MAN1A2: variants seen among roughly 807,000 people sequenced by gnomAD.
MAN1A2 encodes mannosyl-oligosaccharide 1,2-alpha-mannosidase IB.
Under a neutral mutation model 75.7 loss-of-function variants are expected in MAN1A2, and 26 were observed. The ratio of observed to expected loss-of-function variants is 0.34; its 90% CI spans 0.25 to 0.48. The LOEUF is 0.48. MAN1A2 is among the 20% of genes least tolerant of loss of function. MAN1A2 has a pLI of 0.99. For missense variants in MAN1A2, 562 were observed against 775.5 expected (o/e 0.72, Z 3.27); for synonymous variants, 247 against 264.6 (o/e 0.93, Z 0.65).
At chr1:117,417,957 G>A (rs1213254572) in intron 4 of MAN1A2, among the ~76,000 whole-genome samples, 1 of 151,810 alleles carries the variant, frequency 6.6e-6, no homozygotes, top group Non-Finnish European at 1.5e-5. Flanking sequence ...GAGGAGGGAG[G>A]ATTGCTTGAG....
intron 6 of MAN1A2, among the ~76,000 whole-genome samples, chr1:117,445,591 A>G (rs908702587): frequency 3.3e-5 from 5 of 151,908 alleles, no homozygotes; most frequent in African/African-American, 9.7e-5. Context: ...CAATGGCACA[A>G]TCACAGCTCA....
chr1:117,484,622 A>C (rs1650614878), intron 8 of MAN1A2, among the ~76,000 whole-genome samples: 1 of 152,008 alleles, frequency 6.6e-6, no homozygotes. Flanking sequence ...ACTGCATAGC[A>C]AAAAGAGGTG....
At chr1:117,484,924 T>C (rs953178764) in intron 8 of MAN1A2, among the ~76,000 whole-genome samples, 1 of 152,010 alleles carries the variant, frequency 6.6e-6, no homozygotes, top group African/African-American at 2.4e-5. Context: ...TCTATATGTT[T>C]TTCCACATTG....
At chr1:117,504,927 A>G (rs1404227101) in intron 12 of MAN1A2, among the ~76,000 whole-genome samples, 1 of 151,530 alleles carries the variant, frequency 6.6e-6, no homozygotes. Context: ...TTAAAGAGAC[A>G]CATAATAGTT....
At chr1:117,514,225 T>C (rs956401094) in intron 12 of MAN1A2, among the ~76,000 whole-genome samples, 11 of 151,990 alleles carry the variant, frequency 7.2e-5, no homozygotes, top group Non-Finnish European at 1.6e-4. Flanking sequence ...TAGCCGGGCA[T>C]GGTGGTGCAT....
intron 1 of MAN1A2, among the ~76,000 whole-genome samples, chr1:117,392,595 A>G (rs189045010): frequency 8.7e-4 from 133 of 152,276 alleles, no homozygotes; most frequent in Non-Finnish European, 1.6e-3. Flanking sequence ...CTTGCCTTTC[A>G]CATTTCGTAA....
rs889873447 is a variant in MAN1A2 at position 117,469,559 on chromosome 1, A to G, written c.1168+3132A>G. The stretch of plus-strand genomic sequence containing the variant: ...ATGAGAGAAAATATTTGCAAATCAC[A>G]TGTCTTTTAAGGGTCTATACACAGA... On this transcript the variant is annotated intron_variant, in intron 8 of 12. Transcript: ENST00000356554. Among the ~76,000 whole-genome samples the G allele has an allele frequency of 7.9e-5, 12 of 152,256 alleles. No individual in the cohort carries two copies. In the East Asian group the frequency reaches 2.1e-3, roughly 27 times the overall value.
At chr1:117,465,681 C>T (rs1649959309) in intron 7 of MAN1A2, among the ~76,000 whole-genome samples, 1 of 152,036 alleles carries the variant, frequency 6.6e-6, no homozygotes, top group African/African-American at 2.4e-5. Context: ...TCCAGGGGCC[C>T]CCTTAAAAGC....
At chr1:117,460,029 T>C (rs578169335) in intron 6 of MAN1A2, among the ~76,000 whole-genome samples, 288 of 151,362 alleles carry the variant, frequency 1.9e-3, no homozygotes, top group Non-Finnish European at 1.9e-3. Flanking sequence ...GCATTCCACT[T>C]GAGAATCATT....
At chr1:117,453,471 G>A (rs897303470) in intron 6 of MAN1A2, among the ~76,000 whole-genome samples, 7 of 152,266 alleles carry the variant, frequency 4.6e-5, no homozygotes, top group Non-Finnish European at 8.8e-5. Flanking sequence ...ATTTTGAAGG[G>A]TTCAAACTCA....
At chr1:117,513,878 T>C (rs1175949336) in intron 12 of MAN1A2, among the ~76,000 whole-genome samples, 1 of 152,178 alleles carries the variant, frequency 6.6e-6, no homozygotes, top group Non-Finnish European at 1.5e-5. Context: ...TCTTGATATT[T>C]AGTTTGGTTT....
chr1:117,468,926 TC>T (rs2101845023), intron 8 of MAN1A2, among the ~76,000 whole-genome samples: 1 of 152,290 alleles, frequency 6.6e-6, no homozygotes, highest in African/African-American at 2.4e-5. Flanking sequence ...ATTATGAACA[TC>T]TATTACTTTT....
At chr1:117,442,119 C>G in intron 5 of MAN1A2, 112 bp from the exon 6 acceptor site, 1 of 611,366 alleles carries the variant, frequency 1.6e-6, no homozygotes, top group Admixed American at 2.6e-5. Flanking sequence ...TTTTCCTACC[C>G]TGTGCTCCCG....
chr1:117,387,527 G>A (rs950707393), intron 1 of MAN1A2, among the ~76,000 whole-genome samples: 15 of 152,166 alleles, frequency 9.9e-5, no homozygotes, highest in Non-Finnish European at 1.9e-4. Flanking sequence ...GGATCATTCC[G>A]TATCAGTAGG....
At position 117,467,601 on chromosome 1, in the gene MAN1A2, A is replaced by C. The variant is rs533796219; in HGVS notation, c.1168+1174A>C. On this transcript the variant is annotated intron_variant, in intron 8 of 12. Coordinates refer to ENST00000356554, the MANE Select transcript of MAN1A2 (RefSeq NM_006699.5). ...TTTCTCTTTATTTTGAAGAAGATAA[A>C]AGCTCTAATGCCTAGACTGAGTGGG... 4.9e-4 allele frequency among the ~76,000 whole-genome samples: 75 copies of C among 152,196 alleles called. 1 individual carries two copies. Among genetic ancestry groups the C allele is most frequent in the African/African-American group, 1.8e-3 (74 of 41,558 alleles).
At chr1:117,442,528 G>A (rs1649069028) in intron 6 of MAN1A2, among the ~76,000 whole-genome samples, 1 of 151,830 alleles carries the variant, frequency 6.6e-6, no homozygotes. Context: ...CTTTGAAACA[G>A]GTTAATTGTC....
In MAN1A2 at chr1:117,493,120, A is replaced by G. The variant is rs571991088; in HGVS notation, c.1169-27A>G. The G allele has an allele frequency of 3.8e-5, 48 of 1,273,912 alleles. No individual in the cohort carries two copies. The South Asian group carries it at 3.9e-4, about 10-fold the overall frequency. 78.9% of individuals were successfully genotyped at this position (1,273,912 alleles called of 1,614,324 possible). On this transcript the variant is annotated intron_variant, in intron 8 of 12. Coordinates refer to ENST00000356554, the MANE Select transcript of MAN1A2 (RefSeq NM_006699.5). ...CTTGTCTTCCCTTGCCTTTACCTCT[A>G]TCCTTCTGTTTTCTCCTTTGTTACA...
At chr1:117,513,018 A>G (rs1378854212) in intron 12 of MAN1A2, among the ~76,000 whole-genome samples, 1 of 152,136 alleles carries the variant, frequency 6.6e-6, no homozygotes, top group Non-Finnish European at 1.5e-5. Flanking sequence ...TGTTAAGTGT[A>G]CAGTTTATTG....
At chr1:117,516,943 A>G (rs1250913316) in intron 12 of MAN1A2, among the ~76,000 whole-genome samples, 1 of 152,150 alleles carries the variant, frequency 6.6e-6, no homozygotes, top group African/African-American at 2.4e-5. Flanking sequence ...GGTGAGGGAA[A>G]GAATCATCCT....
Sources: gnomAD v4.1 joint callset for allele counts (sites outside exome capture counted in the v4.1 genomes callset) on GRCh38, gnomAD v4.1.1 for gene constraint, MANE v1.5 for transcripts, NCBI Gene and HGNC (gene_info 2026-07-23, HGNC 2026-07-21) for gene names.